CA8: variants seen among roughly 807,000 people sequenced by gnomAD.
CA8 encodes the protein carbonic anhydrase-related protein.
In CA8, 22 loss-of-function variants were observed where a neutral mutation model predicts 41.4. The ratio of observed to expected loss-of-function variants is 0.53; its 90% CI spans 0.38 to 0.76. The LOEUF is 0.76. Among genes scored for constraint, CA8 ranks in the 30% least tolerant of loss-of-function variants. CA8 has a pLI of 0.00. For missense variants in CA8, 270 were observed against 352.8 expected, an observed-to-expected ratio of 0.77 and a Z score of 1.88; for synonymous variants, 121 against 130.6, an observed-to-expected ratio of 0.93 and a Z score of 0.50.
intron 8 of CA8, among the ~76,000 whole-genome samples, chr8:60,193,200 T>TA (rs1244672302): frequency 6.6e-6 from 1 of 152,178 alleles, no homozygotes; most frequent in East Asian, 1.9e-4. Flanking sequence ...TACGTGCTCA[T>TA]AACTGATTCA....
chr8:60,213,850 T>C (rs1161243024), intron 7 of CA8, among the ~76,000 whole-genome samples: 1 of 152,142 alleles, frequency 6.6e-6, no homozygotes, highest in African/African-American at 2.4e-5. Context: ...GGCCTAGCGC[T>C]GCCCTTCACA....
intron 3 of CA8, among the ~76,000 whole-genome samples, chr8:60,252,926 T>C (rs1808501571): frequency 6.6e-6 from 1 of 152,106 alleles, no homozygotes; most frequent in South Asian, 2.1e-4. Flanking sequence ...AATTTGAAAC[T>C]GAATGGAATT....
chr8:60,224,426 T>C, intron 6 of CA8, 111 bp downstream of exon 6: 1 of 724,162 alleles, frequency 1.4e-6, no homozygotes, highest in Non-Finnish European at 2.5e-6. Context: ...AGAATACAAA[T>C]TGCAAATAAG....
At chr8:60,205,236 G>A (rs1381488140) in intron 8 of CA8, among the ~76,000 whole-genome samples, 2 of 151,992 alleles carry the variant, frequency 1.3e-5, no homozygotes, top group Non-Finnish European at 2.9e-5. Flanking sequence ...AGAGCCGTGT[G>A]ACATTGCTTT....
intron 7 of CA8, among the ~76,000 whole-genome samples, chr8:60,216,481 C>T (rs1280540958): frequency 2.0e-5 from 3 of 152,188 alleles, no homozygotes; most frequent in Non-Finnish European, 4.4e-5. Context: ...TTTTGAAGGG[C>T]AGTTGAGATT....
At chr8:60,269,625 T>A (rs1804005954) in intron 2 of CA8, among the ~76,000 whole-genome samples, 1 of 152,190 alleles carries the variant, frequency 6.6e-6, no homozygotes, top group Non-Finnish European at 1.5e-5. Flanking sequence ...GCTTCTACAA[T>A]CCTTTGCTGA....
chr8:60,265,154 C>T (rs1272352576), intron 3 of CA8: 1 of 152,172 alleles, frequency 6.6e-6, no homozygotes, highest in Non-Finnish European at 1.5e-5. Flanking sequence ...CTGTCTATCT[C>T]CACTGTGCCT....
At chr8:60,213,501 G>C (rs576275467) in intron 7 of CA8, among the ~76,000 whole-genome samples, 11 of 152,364 alleles carry the variant, frequency 7.2e-5, no homozygotes, top group East Asian at 3.9e-4. Context: ...TCTCCCCAGA[G>C]AGAAGATCCT....
intron 8 of CA8, among the ~76,000 whole-genome samples, chr8:60,206,069 A>T (rs1806566540): frequency 6.6e-6 from 1 of 152,220 alleles, no homozygotes; most frequent in African/African-American, 2.4e-5. Context: ...CCAGATTTGT[A>T]TTACACATTT....
intron 3 of CA8, among the ~76,000 whole-genome samples, chr8:60,235,794 C>T (rs1807808925): frequency 6.6e-6 from 1 of 152,122 alleles, no homozygotes; most frequent in African/African-American, 2.4e-5. Context: ...TTAAATGTTA[C>T]CATAGCTGTA....
chr8:60,247,105 G>A (rs532336983), intron 3 of CA8, among the ~76,000 whole-genome samples: 28 of 151,888 alleles, frequency 1.8e-4, no homozygotes, highest in African/African-American at 6.5e-4. Flanking sequence ...GGATGATCTC[G>A]ATCTCCTGAC....
At chr8:60,271,966 T>A (rs1161014340) in intron 2 of CA8, among the ~76,000 whole-genome samples, 1 of 152,198 alleles carries the variant, frequency 6.6e-6, no homozygotes, top group African/African-American at 2.4e-5. Flanking sequence ...GCAGCCTTAA[T>A]AAAATTCTCC....
intron 3 of CA8, among the ~76,000 whole-genome samples, chr8:60,238,092 G>A (rs1412373077): frequency 6.6e-6 from 1 of 152,170 alleles, no homozygotes; most frequent in Non-Finnish European, 1.5e-5. Context: ...ATTAGCACCT[G>A]TGAAACGTTC....
chr8:60,281,254 G>C lies in CA8; in HGVS notation c.-107C>G. Reference sequence around the variant, plus strand: ...CGCGCGTGGGGGAGTGTGAGCACGCGTGAGCGGCAGTGTGAGTGCGAGAGC... The same window carrying C: ...CGCGCGTGGGGGAGTGTGAGCACGCCTGAGCGGCAGTGTGAGTGCGAGAGC... On this transcript the variant is annotated 5_prime_UTR_variant, in exon 1 of 9. Coordinates refer to ENST00000317995, the MANE Select transcript of CA8 (RefSeq NM_004056.6). 1 of 742,446 alleles carries C rather than the reference G, an allele frequency of 1.3e-6. No homozygotes were observed. The highest frequency in any genetic ancestry group is 1.5e-5 in the South Asian group (1 of 64,922). 46.0% of individuals were successfully genotyped at this position (742,446 alleles called of 1,614,324 possible). A position where few individuals can be genotyped will look rare whatever the true frequency, so the allele number is the denominator to read the frequency against.
chr8:60,245,290 A>T (rs1389226237), intron 3 of CA8, among the ~76,000 whole-genome samples: 2 of 152,142 alleles, frequency 1.3e-5, no homozygotes, highest in Admixed American at 6.5e-5. Flanking sequence ...AAAAAAAATT[A>T]TCTTAAGTGG....
intron 7 of CA8, among the ~76,000 whole-genome samples, chr8:60,212,510 A>C (rs1209979019): frequency 1.3e-5 from 2 of 152,212 alleles, no homozygotes; most frequent in African/African-American, 4.8e-5. Flanking sequence ...ATTTCTTTCA[A>C]TCTATATCCA....
chr8:60,201,590 T>C (rs1476816493), intron 8 of CA8, among the ~76,000 whole-genome samples: 1 of 152,120 alleles, frequency 6.6e-6, no homozygotes, highest in Non-Finnish European at 1.5e-5. Flanking sequence ...AAATGTATCA[T>C]TTTTTGGTGA....
chr8:60,229,197 CT>C (rs1807553081), intron 4 of CA8, among the ~76,000 whole-genome samples: 1 of 152,102 alleles, frequency 6.6e-6, no homozygotes, highest in South Asian at 2.1e-4. Context: ...TCAATCTCTC[CT>C]TATCTTCCAC....
intron 3 of CA8, among the ~76,000 whole-genome samples, chr8:60,235,612 CTTATA>C (rs1807803221): frequency 6.6e-6 from 1 of 152,114 alleles, no homozygotes; most frequent in Non-Finnish European, 1.5e-5. Flanking sequence ...CATATTGTGC[CTTATA>C]TTAATTAGTG....
Sources: gnomAD v4.1 joint callset for allele counts (sites outside exome capture counted in the v4.1 genomes callset) on GRCh38, gnomAD v4.1.1 for gene constraint, MANE v1.5 for transcripts, NCBI Gene and HGNC (gene_info 2026-07-23, HGNC 2026-07-21) for gene names.